Variants in NKAIN3 observed in about 807,000 individuals in gnomAD.
NKAIN3 encodes sodium/potassium-transporting ATPase subunit beta-1-interacting protein 3.
A neutral mutation model predicts 30.2 loss-of-function variants in NKAIN3; 25 were observed. The ratio of observed to expected loss-of-function variants is 0.83; its 90% CI spans 0.60 to 1.16. The LOEUF (loss-of-function observed/expected upper bound fraction) is 1.16. Among genes scored for constraint, NKAIN3 ranks in the 50% most tolerant of loss-of-function variants. NKAIN3 has a pLI of 0.00. For missense variants in NKAIN3, 225 were observed against 254.1 expected, an observed-to-expected ratio of 0.89 and a Z score of 0.78; for synonymous variants, 91 against 89.6, an observed-to-expected ratio of 1.02 and a Z score of -0.09.
chr8:62,884,492 A>T (rs1369651653), intron 4 of NKAIN3, among the ~76,000 whole-genome samples: 2 of 152,090 alleles, frequency 1.3e-5, no homozygotes, highest in African/African-American at 4.8e-5. Context: ...CCCGACCTCA[A>T]GTGATCTGCC....
intron 3 of NKAIN3, among the ~76,000 whole-genome samples, chr8:62,689,662 A>G (rs1755251162): frequency 6.6e-6 from 1 of 152,132 alleles, no homozygotes; most frequent in Admixed American, 6.5e-5. Flanking sequence ...CCTTTATGTT[A>G]GAAGAACGCA....
intron 1 of NKAIN3, chr8:62,483,794 C>G (rs1273822036): frequency 4.1e-6 from 1 of 241,972 alleles, no homozygotes; most frequent in Non-Finnish European, 8.1e-6. Flanking sequence ...CTACCAGCCT[C>G]CTGTTGGCTG....
intron 1 of NKAIN3, among the ~76,000 whole-genome samples, chr8:62,267,806 G>A (rs1563912555): frequency 1.3e-5 from 2 of 152,094 alleles, no homozygotes; most frequent in African/African-American, 2.4e-5. Context: ...ATAGATTGTT[G>A]GTCAGAATAC....
In NKAIN3 at chr8:62,454,301, C is replaced by CAAAAAAAAAAAAAA. The variant is rs201511724; in HGVS notation, c.55-125229_55-125216dup. Among the ~76,000 whole-genome samples, 20 of 56,150 alleles carry CAAAAAAAAAAAAAA rather than the reference C, an allele frequency of 3.6e-4. 2 individuals carry two copies. Among genetic ancestry groups the CAAAAAAAAAAAAAA allele is most frequent in the Admixed American group, 6.7e-4 (3 of 4,450 alleles). 36.8% of individuals were successfully genotyped at this position (56,150 alleles called of 152,430 possible). A position where few individuals can be genotyped will look rare whatever the true frequency, so the allele number is the denominator to read the frequency against. ...ACCAACACTAACAATAGCTGATGTGCAAAAAAAAAAAAAAAAAAAAAATCT... is the reference window on the plus strand; with the variant it reads ...ACCAACACTAACAATAGCTGATGTGCAAAAAAAAAAAAAAAAAAAAAAAAAAAAAAAAAAAATCT... On this transcript the variant is annotated intron_variant, in intron 1 of 6. Transcript: ENST00000623646.
chr8:62,393,370 T>C (rs1817631403), intron 1 of NKAIN3, among the ~76,000 whole-genome samples: 1 of 152,026 alleles, frequency 6.6e-6, no homozygotes, highest in African/African-American at 2.4e-5. Context: ...TTCATTTCAT[T>C]GAATTTCCTT....
chr8:62,430,408 G>GTGT (rs1804959126), intron 1 of NKAIN3, among the ~76,000 whole-genome samples: 1 of 105,240 alleles, frequency 9.5e-6, no homozygotes, highest in Non-Finnish European at 2.2e-5. Context: ...TGTGTGTGTG[G>GTGT]ATGGGTGTGT....
At chr8:62,804,500 G>A (rs566354841) in intron 4 of NKAIN3, among the ~76,000 whole-genome samples, 26 of 152,180 alleles carry the variant, frequency 1.7e-4, no homozygotes, top group Middle Eastern at 3.4e-3. Context: ...TTCAATATAC[G>A]CAAATCAATA....
chr8:62,316,270 T>A (rs946879863), intron 1 of NKAIN3, among the ~76,000 whole-genome samples: 1 of 152,042 alleles, frequency 6.6e-6, no homozygotes, highest in Non-Finnish European at 1.5e-5. Context: ...AAATGCTCAT[T>A]GTAGCATTTT....
chr8:62,997,717 T>A (rs78145493), intron 5 of NKAIN3, among the ~76,000 whole-genome samples: 1 of 151,216 alleles, frequency 6.6e-6, no homozygotes, highest in Non-Finnish European at 1.5e-5. Flanking sequence ...AGGGCTATTA[T>A]TAGTTTTCAA....
At chr8:62,706,199 GTAT>G (rs1814514478) in intron 3 of NKAIN3, among the ~76,000 whole-genome samples, 1 of 152,100 alleles carries the variant, frequency 6.6e-6, no homozygotes, top group African/African-American at 2.4e-5. Flanking sequence ...TTTGCATTCA[GTAT>G]TCAGTATGCA....
At chr8:62,320,846 A>G (rs1375893971) in intron 1 of NKAIN3, among the ~76,000 whole-genome samples, 3 of 152,108 alleles carry the variant, frequency 2.0e-5, no homozygotes, top group African/African-American at 7.2e-5. Flanking sequence ...TCCTTGTGGC[A>G]TTCTCTGTGT....
At chr8:62,501,796 T>C (rs543933025) in intron 1 of NKAIN3, among the ~76,000 whole-genome samples, 2 of 152,278 alleles carry the variant, frequency 1.3e-5, no homozygotes, top group South Asian at 4.1e-4. Context: ...GTATAAGTAT[T>C]CAAATCAGTG....
chr8:62,407,206 T>C (rs570695334), intron 1 of NKAIN3, among the ~76,000 whole-genome samples: 93 of 151,940 alleles, frequency 6.1e-4, no homozygotes, highest in Admixed American at 1.2e-3. Context: ...ATATTAATAT[T>C]TTAATAGATT....
chr8:62,893,627 T>C (rs1821351947), intron 4 of NKAIN3, among the ~76,000 whole-genome samples: 1 of 147,072 alleles, frequency 6.8e-6, no homozygotes. Flanking sequence ...TACTGCAGGG[T>C]TTGAGCTACT....
At chr8:62,368,586 TC>T (rs1816807811) in intron 1 of NKAIN3, among the ~76,000 whole-genome samples, 1 of 152,042 alleles carries the variant, frequency 6.6e-6, no homozygotes, top group Non-Finnish European at 1.5e-5. Context: ...AAGGGGGGCT[TC>T]TCCGGAACAA....
chr8:62,868,961 C>A (rs147880733), intron 4 of NKAIN3, among the ~76,000 whole-genome samples: 1 of 152,026 alleles, frequency 6.6e-6, no homozygotes, highest in African/African-American at 2.4e-5. Context: ...AGGATTAGAT[C>A]TTTTCTCCTT....
intron 1 of NKAIN3, among the ~76,000 whole-genome samples, chr8:62,330,316 A>T (rs752574989): frequency 6.6e-6 from 1 of 151,974 alleles, no homozygotes; most frequent in East Asian, 1.9e-4. Context: ...AAGCACAAAC[A>T]TGACTACCAT....
intron 3 of NKAIN3, among the ~76,000 whole-genome samples, chr8:62,736,738 C>A (rs185438865): frequency 3.3e-5 from 5 of 152,316 alleles, no homozygotes; most frequent in Admixed American, 3.3e-4. Context: ...ACTTCGCATT[C>A]AGTCAAAATT....
intron 4 of NKAIN3, among the ~76,000 whole-genome samples, chr8:62,816,248 G>A (rs778896129): frequency 2.0e-5 from 3 of 152,168 alleles, no homozygotes; most frequent in Non-Finnish European, 4.4e-5. Context: ...CATTGGTTCT[G>A]GGTAGGTGCA....
Sources: allele counts gnomAD v4.1 joint callset (sites outside exome capture counted in the v4.1 genomes callset), GRCh38; gene constraint gnomAD v4.1.1; transcripts MANE v1.5; gene names NCBI Gene and HGNC (gene_info 2026-07-23, HGNC 2026-07-21).